MARCHF6: variants seen among roughly 807,000 people sequenced by gnomAD.
The protein encoded by MARCHF6 is membrane associated ring-CH-type finger 6.
MARCHF6 carries 31 observed loss-of-function variants against 133.7 expected under a neutral mutation model. The observed-to-expected ratio is 0.23, with a 90% confidence interval of 0.17 to 0.31. The LOEUF (loss-of-function observed/expected upper bound fraction) is 0.31, where lower values mean the gene tolerates loss of function less well. MARCHF6 is among the 10% of genes least tolerant of loss of function. MARCHF6 has a pLI of 1.00. For missense variants in MARCHF6, 723 were observed against 1,121.6 expected (o/e 0.64, Z 5.08); for synonymous variants, 395 against 402.5 (o/e 0.98, Z 0.22).
chr5:10,431,948 T>C (rs1302181079), intron 25 of MARCHF6, among the ~76,000 whole-genome samples: 12 of 152,150 alleles, frequency 7.9e-5, no homozygotes, highest in Non-Finnish European at 1.6e-4. Context: ...TCTCAAAGTT[T>C]TAAAATCAGT....
At position 10,435,581 on chromosome 5, in the gene MARCHF6, T is replaced by C. The variant is rs1175363613; in HGVS notation, c.*1897T>C. 1.5e-5 allele frequency: 2 copies of C among 136,332 alleles called. No individual in the cohort carries two copies. Among genetic ancestry groups the C allele is most frequent in the Non-Finnish European group, 3.1e-5 (2 of 64,482 alleles). The allele number at this position is 136,332 out of a possible 1,614,324, so 8.4% of individuals were successfully genotyped here. A position where few individuals can be genotyped will look rare whatever the true frequency, so the allele number is the denominator to read the frequency against. Reference sequence around the variant, plus strand: ...CTGTCATAGTGTATTTCTAAATTGCTCTCTTTGGGAGAAAAACATTATTAT... The same window carrying C: ...CTGTCATAGTGTATTTCTAAATTGCCCTCTTTGGGAGAAAAACATTATTAT... On this transcript the variant is annotated 3_prime_UTR_variant, in exon 26 of 26. Coordinates refer to ENST00000274140, the MANE Select transcript of MARCHF6 (RefSeq NM_005885.4).
chr5:10,389,221 A>G (rs1362462508), intron 5 of MARCHF6, among the ~76,000 whole-genome samples: 1 of 152,198 alleles, frequency 6.6e-6, no homozygotes, highest in Admixed American at 6.5e-5. Flanking sequence ...GGACTAGGGA[A>G]GGAAAGATAA....
rs771980197 is a variant in MARCHF6, at chr5:10,400,819, G to A, written c.949G>A (p.Val317Ile). Residue 317 changes from valine (V) to isoleucine (I), a missense_variant, in exon 11 of 26, where the codon GTT (valine) becomes ATT (isoleucine). By Grantham distance (29) the Val-to-Ile change is conservative. Around this residue, in one of 4 missense-constraint regions of MARCHF6, gnomAD observed 43 missense variants for 97.9 expected, o/e 0.44. Transcript: ENST00000274140. Reference sequence around the variant, plus strand: ...TTACCATATTGGTCATTTCTCCCTTGTTGGTTTGGGATTTGAAGAACACGT... The same window carrying A: ...TTACCATATTGGTCATTTCTCCCTTATTGGTTTGGGATTTGAAGAACACGT... ...CPYHIGHFSL[V>I]GLGFEEHVQA... The A allele has an allele frequency of 2.5e-6, 4 of 1,612,488 alleles. No homozygotes were observed. The East Asian group carries it at 6.7e-5, about 27-fold the overall frequency.
chr5:10,369,446 CAT>C (rs1200787819), intron 1 of MARCHF6, among the ~76,000 whole-genome samples: 1 of 152,178 alleles, frequency 6.6e-6, no homozygotes, highest in African/African-American at 2.4e-5. Context: ...TTTCTTCCCA[CAT>C]GTCTGTGTAG....
At chr5:10,418,510 G>T (rs16884673) in intron 22 of MARCHF6, among the ~76,000 whole-genome samples, 1 of 152,030 alleles carries the variant, frequency 6.6e-6, no homozygotes. Flanking sequence ...TAACATCATA[G>T]AATTAAGATC....
chr5:10,382,189 A>G (rs939101224), intron 4 of MARCHF6, among the ~76,000 whole-genome samples: 1 of 152,216 alleles, frequency 6.6e-6, no homozygotes, highest in African/African-American at 2.4e-5. Flanking sequence ...AAAGTTCATG[A>G]AAGCGTTGAA....
chr5:10,361,073 T>C (rs1480870177), intron 1 of MARCHF6, among the ~76,000 whole-genome samples: 1 of 152,218 alleles, frequency 6.6e-6, no homozygotes, highest in East Asian at 1.9e-4. Context: ...ATTCAGACTA[T>C]ATTTTAGAAT....
intron 1 of MARCHF6, among the ~76,000 whole-genome samples, chr5:10,361,988 C>A (rs188058454): frequency 6.6e-6 from 1 of 152,218 alleles, no homozygotes; most frequent in African/African-American, 2.4e-5. Flanking sequence ...GTCTTGAACT[C>A]CTGACCTCAG....
chr5:10,417,425 C>A, intron 22 of MARCHF6, 21 bp downstream of exon 22: 1 of 1,612,472 alleles, frequency 6.2e-7, no homozygotes, highest in South Asian at 1.1e-5. Context: ...GTCTTTTGCT[C>A]ATGTTATTTC....
intron 7 of MARCHF6, among the ~76,000 whole-genome samples, chr5:10,392,093 G>A (rs1737891859): frequency 6.6e-6 from 1 of 151,906 alleles, no homozygotes; most frequent in Non-Finnish European, 1.5e-5. Context: ...CGAGTAGCTG[G>A]GACAACAGGC....
chr5:10,379,808 A>G (rs181486245), intron 3 of MARCHF6, among the ~76,000 whole-genome samples: 1 of 152,214 alleles, frequency 6.6e-6, no homozygotes, highest in Non-Finnish European at 1.5e-5. Flanking sequence ...GTCTCACTAT[A>G]TTGCCCAGGT....
chr5:10,381,550 G>A (rs1216066311), intron 3 of MARCHF6, among the ~76,000 whole-genome samples: 1 of 152,166 alleles, frequency 6.6e-6, no homozygotes, highest in African/African-American at 2.4e-5. Flanking sequence ...CAAGGGATGT[G>A]AACATCTATT....
At chr5:10,387,578 C>A (rs1022359891) in intron 5 of MARCHF6, among the ~76,000 whole-genome samples, 1 of 152,178 alleles carries the variant, frequency 6.6e-6, no homozygotes, top group Non-Finnish European at 1.5e-5. Context: ...GCTGGGATTA[C>A]AGGCGTGAGC....
chr5:10,420,230 A>G (rs1390829296), intron 22 of MARCHF6, among the ~76,000 whole-genome samples: 1 of 152,238 alleles, frequency 6.6e-6, no homozygotes, highest in Non-Finnish European at 1.5e-5. Flanking sequence ...GAAGGCCTAC[A>G]ACATCACTTT....
In MARCHF6 at chr5:10,402,424, T is replaced by C. The variant is rs1206831373; in HGVS notation, c.1094T>C (p.Leu365Ser). Residue 365 changes from leucine (L) to serine (S), a missense_variant, in exon 13 of 26, where the codon TTA (leucine) becomes TCA (serine). Physicochemically the swap from Leu to Ser is moderately radical, Grantham distance 145. Around this residue, in one of 4 missense-constraint regions of MARCHF6, gnomAD observed 492 missense variants for 699.5 expected, o/e 0.70. Coordinates refer to ENST00000274140, the MANE Select transcript of MARCHF6 (RefSeq NM_005885.4). ...TLVKFHRSRR[L>S]LGVCYIVVKV... ...GTGAAATTTCATAGATCTCGTCGCT[T>C]ACTGGGAGTCTGCTATATTGTTGTT... 8 of 1,613,902 alleles carry C rather than the reference T, an allele frequency of 5.0e-6. No individual in the cohort carries two copies. In the Admixed American group the frequency reaches 1.2e-4, roughly 24 times the overall value.
intron 17 of MARCHF6, among the ~76,000 whole-genome samples, chr5:10,408,162 C>G (rs1739021584): frequency 6.6e-6 from 1 of 152,160 alleles, no homozygotes; most frequent in South Asian, 2.1e-4. Context: ...ACTAATCTAA[C>G]TCGATTTGCC....
intron 11 of MARCHF6, 172 bp from the exon 12 acceptor site, chr5:10,401,887 T>A (rs1561130719): frequency 1.7e-6 from 1 of 594,628 alleles, no homozygotes; most frequent in Non-Finnish European, 3.0e-6. Context: ...TAACAGTCAG[T>A]GAGAGAATTT....
chr5:10,429,562 G>A (rs1357394293), intron 24 of MARCHF6, among the ~76,000 whole-genome samples: 1 of 151,980 alleles, frequency 6.6e-6, no homozygotes, highest in East Asian at 1.9e-4. Context: ...ACCACACCTG[G>A]CTAATTTTTG....
At position 10,353,891 on chromosome 5, in the gene MARCHF6, C is replaced by A. The variant is rs111344445; in HGVS notation, c.-8C>A. The A allele has an allele frequency of 9.6e-6, 15 of 1,565,262 alleles. No homozygotes were observed. In the East Asian group the frequency reaches 2.4e-4, roughly 25 times the overall value. The stretch of plus-strand genomic sequence containing the variant: ...CGTGGCTGCGTCACCGCCGCCCCCC[C>A]AGACAAGATGGACACCGCGGAGGAA... On this transcript the variant is annotated 5_prime_UTR_variant, in exon 1 of 26. Transcript: ENST00000274140.
Sources: gnomAD v4.1 joint callset for allele counts (sites outside exome capture counted in the v4.1 genomes callset) on GRCh38, gnomAD v4.1.1 for gene constraint, gnomAD v4.1.1 regional missense constraint, MANE v1.5 for transcripts, NCBI Gene and HGNC (gene_info 2026-07-23, HGNC 2026-07-21) for gene names.